DOCK5: variants seen among roughly 807,000 people sequenced by gnomAD.
DOCK5 encodes the protein dedicator of cytokinesis protein 5.
A neutral mutation model predicts 251.8 loss-of-function variants in DOCK5; 142 were observed. The ratio of observed to expected loss-of-function variants is 0.56; its 90% confidence interval spans 0.49 to 0.65. The LOEUF is 0.65. DOCK5 is among the 30% of genes least tolerant of loss of function. DOCK5 has a pLI of 0.00. For synonymous variants in DOCK5, 842 were observed against 835.5 expected (o/e 1.01, Z -0.13); for missense variants, 2,111 against 2,312.3 (o/e 0.91, Z 1.79).
At chr8:25,233,042 G>A (rs1802710133) in intron 1 of DOCK5, among the ~76,000 whole-genome samples, 1 of 152,062 alleles carries the variant, frequency 6.6e-6, no homozygotes, top group South Asian at 2.1e-4. Context: ...CTCTCTCTGA[G>A]CAGCCCTCTT....
At chr8:25,286,455 C>G (rs922689844) in intron 5 of DOCK5, among the ~76,000 whole-genome samples, 1 of 152,052 alleles carries the variant, frequency 6.6e-6, no homozygotes, top group Non-Finnish European at 1.5e-5. Context: ...GGAATATGCC[C>G]GAAGCCACAT....
intron 30 of DOCK5, among the ~76,000 whole-genome samples, chr8:25,366,124 CA>C (rs1287089353): frequency 6.6e-6 from 1 of 152,096 alleles, no homozygotes; most frequent in Non-Finnish European, 1.5e-5. Context: ...TTCTTACGAA[CA>C]TTTAGATTGT....
chr8:25,332,362 T>C lies in DOCK5; in HGVS notation c.2001+14T>C, dbSNP rs1467126192. On this transcript the variant is annotated intron_variant, in intron 19 of 51. Transcript: ENST00000276440. ...GAGATTGTTAAGGTATGTTTATATA[T>C]TCATAGTTAGAAATACACATACCTA... The C allele has an allele frequency of 1.9e-6, 3 of 1,599,518 alleles. No homozygotes were observed. Among genetic ancestry groups the C allele is most frequent in the Non-Finnish European group, 2.6e-6 (3 of 1,167,556 alleles).
intron 1 of DOCK5, among the ~76,000 whole-genome samples, chr8:25,200,709 A>T (rs1258437131): frequency 2.0e-5 from 3 of 152,208 alleles, no homozygotes; most frequent in Non-Finnish European, 2.9e-5. Flanking sequence ...TCTGCCATTC[A>T]GTTAGTTACT....
At position 25,311,497 on chromosome 8, in the gene DOCK5, C is replaced by T. The variant is rs556029056; in HGVS notation, c.1318+965C>T. Among the ~76,000 whole-genome samples, 82 of 148,064 alleles carry T rather than the reference C, an allele frequency of 5.5e-4. 1 individual carries two copies. The South Asian group carries it at 0.016, about 29-fold the overall frequency. On this transcript the variant is annotated intron_variant, in intron 13 of 51. Coordinates refer to ENST00000276440, the MANE Select transcript of DOCK5 (RefSeq NM_024940.8). ...GGTGGAGGTTGCAGTGGGCCGAGAT[C>T]GCACCACTGCACTCCAGCCTGGGCA...
chr8:25,374,938 C>T (rs976901834), intron 37 of DOCK5: 2 of 1,240,096 alleles, frequency 1.6e-6, no homozygotes, highest in African/African-American at 1.5e-5. Context: ...TTGATGAATA[C>T]ATAAAAAAAT....
At chr8:25,291,872 CAAAA>C (rs5890217) in intron 5 of DOCK5, among the ~76,000 whole-genome samples, 148 bp from the exon 6 acceptor site, 1 of 114,476 alleles carries the variant, frequency 8.7e-6, no homozygotes. Flanking sequence ...GACTCCATCA[CAAAA>C]AAAAAAAAAA....
chr8:25,410,964 TGTGTGTGTGC>T (rs1461923749), intron 51 of DOCK5, among the ~76,000 whole-genome samples: 272 of 30,722 alleles, frequency 8.9e-3, no homozygotes, highest in East Asian at 0.017. Flanking sequence ...TGTGTGTGTG[TGTGTGTGTGC>T]GCGCGCGCGC....
chr8:25,408,701 C>G, intron 49 of DOCK5, 101 bp from the exon 50 acceptor site: 4 of 1,442,344 alleles, frequency 2.8e-6, no homozygotes, highest in Non-Finnish European at 3.8e-6. Context: ...TCAGTTAAGT[C>G]CTTTTCCAAG....
intron 46 of DOCK5, 81 bp downstream of exon 46, chr8:25,400,075 GC>G: frequency 1.8e-6 from 2 of 1,113,260 alleles, no homozygotes; most frequent in Non-Finnish European, 2.7e-6. Context: ...AAGTCTACAA[GC>G]CCACTCAGGG....
At chr8:25,362,227 C>T (rs1449219938) in intron 28 of DOCK5, among the ~76,000 whole-genome samples, 1 of 152,080 alleles carries the variant, frequency 6.6e-6, no homozygotes, top group Admixed American at 6.6e-5. Context: ...ATCACTGTGT[C>T]CTTTTCTAAC....
chr8:25,265,726 G>C (rs1047667809), intron 2 of DOCK5, among the ~76,000 whole-genome samples: 1 of 151,840 alleles, frequency 6.6e-6, no homozygotes, highest in African/African-American at 2.4e-5. Flanking sequence ...TGCATGTAGC[G>C]AGGAGAAGAA....
chr8:25,321,458 C>T (rs1008375854), intron 16 of DOCK5, among the ~76,000 whole-genome samples: 6 of 152,122 alleles, frequency 3.9e-5, no homozygotes, highest in African/African-American at 1.2e-4. Flanking sequence ...TTATACAACT[C>T]ACCATAATGT....
At chr8:25,345,028 G>A (rs1446884158) in intron 25 of DOCK5, among the ~76,000 whole-genome samples, 1 of 151,950 alleles carries the variant, frequency 6.6e-6, no homozygotes, top group Non-Finnish European at 1.5e-5. Context: ...CATGTACTAG[G>A]GAAGCTCAGT....
intron 1 of DOCK5, among the ~76,000 whole-genome samples, chr8:25,230,991 T>C (rs1789628577): frequency 6.6e-6 from 1 of 152,198 alleles, no homozygotes; most frequent in Admixed American, 6.5e-5. Flanking sequence ...ACTCATGCTC[T>C]TCCCTAATTG....
chr8:25,339,423 A>G (rs1805895221), intron 22 of DOCK5, among the ~76,000 whole-genome samples: 1 of 152,146 alleles, frequency 6.6e-6, no homozygotes, highest in Non-Finnish European at 1.5e-5. Context: ...CCAGGCTCCC[A>G]CTATGATGGT....
At chr8:25,341,451 A>C (rs1805953070) in intron 23 of DOCK5, among the ~76,000 whole-genome samples, 3 of 152,192 alleles carry the variant, frequency 2.0e-5, no homozygotes, top group Admixed American at 1.3e-4. Flanking sequence ...GCCATGTTGC[A>C]AGAGAGGCTT....
At chr8:25,296,835 G>A (rs1034780891) in intron 7 of DOCK5, among the ~76,000 whole-genome samples, 187 bp downstream of exon 7, 4 of 152,048 alleles carry the variant, frequency 2.6e-5, no homozygotes, top group African/African-American at 7.2e-5. Flanking sequence ...TGGAAAGATC[G>A]CAAAGATACG....
At chr8:25,287,289 T>C (rs2117143367) in intron 5 of DOCK5, among the ~76,000 whole-genome samples, 1 of 152,242 alleles carries the variant, frequency 6.6e-6, no homozygotes, top group South Asian at 2.1e-4. Context: ...TATCTCATTG[T>C]GTGGTGTGTG....
Sources: gnomAD v4.1 joint callset for allele counts (sites outside exome capture counted in the v4.1 genomes callset) on GRCh38, gnomAD v4.1.1 for gene constraint, MANE v1.5 for transcripts, NCBI Gene and HGNC (gene_info 2026-07-23, HGNC 2026-07-21) for gene names.